Variants in RCL1 observed in about 807,000 individuals in gnomAD.
RCL1 encodes RNA 3'-terminal phosphate cyclase-like protein.
Under a neutral mutation model 42.4 loss-of-function variants are expected in RCL1, and 24 were observed. That is an observed-to-expected ratio of 0.57 (90% CI 0.41 to 0.80). RCL1 has a LOEUF of 0.80. Among genes scored for constraint, RCL1 ranks in the 30% least tolerant of loss-of-function variants. RCL1 has a pLI of 0.00. For synonymous variants in RCL1, 228 were observed against 177.3 expected, an observed-to-expected ratio of 1.29 and a Z score of -2.27; for missense variants, 578 against 467.9, an observed-to-expected ratio of 1.24 and a Z score of -2.17.
chr9:4,856,596 T>C (rs1817971362), intron 8 of RCL1, among the ~76,000 whole-genome samples: 1 of 152,148 alleles, frequency 6.6e-6, no homozygotes, highest in African/African-American at 2.4e-5. Flanking sequence ...TACATAAGCA[T>C]TTAATTAGAC....
intron 1 of RCL1, among the ~76,000 whole-genome samples, chr9:4,795,310 T>G (rs1842896767): frequency 6.6e-6 from 1 of 152,150 alleles, no homozygotes; most frequent in Non-Finnish European, 1.5e-5. Context: ...ATGAAACTGC[T>G]GACCTCAGGT....
intron 5 of RCL1, chr9:4,839,888 T>G (rs1303910672): frequency 5.1e-6 from 5 of 985,512 alleles, no homozygotes; most frequent in Non-Finnish European, 6.0e-6. Flanking sequence ...AACACTTGGG[T>G]GCCGGCTGGA....
intron 1 of RCL1, among the ~76,000 whole-genome samples, chr9:4,808,285 ACT>A (rs2130978307): frequency 6.6e-6 from 1 of 151,248 alleles, no homozygotes; most frequent in Admixed American, 6.6e-5. Flanking sequence ...ATAATGTATC[ACT>A]CTGTCTCTAG....
At chr9:4,818,954 T>G (rs1309659267) in intron 1 of RCL1, among the ~76,000 whole-genome samples, 1 of 152,108 alleles carries the variant, frequency 6.6e-6, no homozygotes, top group Non-Finnish European at 1.5e-5. Context: ...ATTAAATAAT[T>G]ATTTTAAAAG....
At chr9:4,800,727 A>G (rs1198222405) in intron 1 of RCL1, among the ~76,000 whole-genome samples, 1 of 142,644 alleles carries the variant, frequency 7.0e-6, no homozygotes, top group Non-Finnish European at 1.5e-5. Context: ...ATCTTGGCTC[A>G]CTGCAACCTC....
chr9:4,796,402 A>G (rs1022636225), intron 1 of RCL1, among the ~76,000 whole-genome samples: 2 of 152,102 alleles, frequency 1.3e-5, no homozygotes, highest in Admixed American at 1.3e-4. Flanking sequence ...TGCAAAGGAC[A>G]TTATTTCATT....
chr9:4,847,926 A>C (rs1295552464), intron 7 of RCL1, among the ~76,000 whole-genome samples: 1 of 152,194 alleles, frequency 6.6e-6, no homozygotes, highest in Non-Finnish European at 1.5e-5. Flanking sequence ...AGTAGTCCTG[A>C]GTCCTAAAGC....
At position 4,826,983 on chromosome 9, in the gene RCL1, C is replaced by G. The variant is rs188571643; in HGVS notation, c.334C>G (p.Pro112Ala). ...LLCLAPFMKHPLKIVLRGVTN... is the reference protein window; with the variant it reads ...LLCLAPFMKHALKIVLRGVTN... ...TTGCTTGGCTCCATTTATGAAGCAC[C>G]CGTTAAAAATAGTTCTACGAGGAGT... Residue 112 changes from proline (P) to alanine (A), a missense_variant, in exon 3 of 9, where the codon CCG (proline) becomes GCG (alanine). Physicochemically the swap from Pro to Ala is conservative, Grantham distance 27. Coordinates refer to ENST00000381750, the MANE Select transcript of RCL1 (RefSeq NM_005772.5). 6.2e-7 allele frequency: 1 copy of G among 1,614,044 alleles called. No individual in the cohort carries two copies. Among genetic ancestry groups the G allele is most frequent in the East Asian group, 2.2e-5 (1 of 44,874 alleles).
intron 1 of RCL1, among the ~76,000 whole-genome samples, chr9:4,821,984 C>T (rs900739965): frequency 6.6e-6 from 1 of 152,216 alleles, no homozygotes; most frequent in Non-Finnish European, 1.5e-5. Flanking sequence ...ATGGGAATGA[C>T]ACTCTGTGCC....
intron 1 of RCL1, among the ~76,000 whole-genome samples, chr9:4,817,612 C>T (rs920491614): frequency 6.6e-6 from 1 of 151,808 alleles, no homozygotes; most frequent in African/African-American, 2.4e-5. Flanking sequence ...AACCCTGCCC[C>T]CCTGAGTAGC....
chr9:4,853,773 A>G, intron 8 of RCL1, among the ~76,000 whole-genome samples: 1 of 150,428 alleles, frequency 6.6e-6, no homozygotes, highest in East Asian at 1.9e-4. Flanking sequence ...CTTTAGTTGG[A>G]AATCTAAAAT....
At chr9:4,831,288 G>A (rs1241451128) in intron 3 of RCL1, among the ~76,000 whole-genome samples, 1 of 149,574 alleles carries the variant, frequency 6.7e-6, no homozygotes, top group African/African-American at 2.6e-5. Flanking sequence ...GGATGAGCCA[G>A]AAGGAATGCT....
At position 4,859,252 on chromosome 9, in the gene RCL1, G is replaced by A. The variant is rs146706855; in HGVS notation, c.972-873G>A. ...TGCCATTGTCCTTGTTGTGTTTACT[G>A]TGCACACTTCCCCGGCCACCTTATT... On this transcript the variant is annotated intron_variant, in intron 8 of 8. Coordinates refer to ENST00000381750, the MANE Select transcript of RCL1 (RefSeq NM_005772.5). Among the ~76,000 whole-genome samples, 45 of 152,246 alleles carry A rather than the reference G, an allele frequency of 3.0e-4. 2 individuals are homozygous for A. In the East Asian group the frequency reaches 8.7e-3, roughly 29 times the overall value.
At position 4,826,775 on chromosome 9, in the gene RCL1, C is replaced by T. The variant is rs1218253811; in HGVS notation, c.209-83C>T. 8 of 1,241,106 alleles carry T rather than the reference C, an allele frequency of 6.4e-6. No individual in the cohort carries two copies. In the African/African-American group the frequency reaches 7.5e-5, roughly 12 times the overall value. The allele number at this position is 1,241,106 out of a possible 1,614,324, so 76.9% of individuals were successfully genotyped here. A position where few individuals can be genotyped will look rare whatever the true frequency, so the allele number is the denominator to read the frequency against. ...CTTGGATGCCCTTGTCAGGCTTTCC[C>T]CTTGGAACTCACTGCCTTCATTACC... On this transcript the variant is annotated intron_variant, in intron 2 of 8. Coordinates refer to ENST00000381750, the MANE Select transcript of RCL1 (RefSeq NM_005772.5).
intron 1 of RCL1, among the ~76,000 whole-genome samples, chr9:4,808,749 T>G (rs1486286027): frequency 1.3e-5 from 2 of 152,178 alleles, no homozygotes; most frequent in African/African-American, 2.4e-5. Context: ...ATCAGAGGAT[T>G]AGGTTGCCCT....
Position 4,833,204 on chromosome 9 carries a change from T to G in RCL1, c.435T>G (p.Ile145Met). The G allele has an allele frequency of 1.2e-6, 2 of 1,612,896 alleles. No individual in the cohort carries two copies. Among genetic ancestry groups the G allele is most frequent in the Non-Finnish European group, 1.7e-6 (2 of 1,178,800 alleles). Residue 145 changes from isoleucine to methionine, a missense_variant, in exon 4 of 9, where the codon ATT becomes ATG. Transcript: ENST00000381750. ...TALPLLKQFG[I>M]DGESFELKIV... Reference sequence around the variant, plus strand: ...TCCCTTTGTTGAAACAATTTGGGATTGATGGTGAATCATTTGAACTGAAGG... The same window carrying G: ...TCCCTTTGTTGAAACAATTTGGGATGGATGGTGAATCATTTGAACTGAAGG...
intron 8 of RCL1, chr9:4,850,421 C>G (rs455864): frequency 0.9 from 413,715 of 462,120 alleles, 185,445 homozygotes; most frequent in East Asian, 1. Flanking sequence ...GGGCTATGCA[C>G]CCTTGGGCCA....
intron 5 of RCL1, 21 bp from the exon 6 acceptor site, chr9:4,841,211 A>T (rs190682920): frequency 1.5e-5 from 24 of 1,613,886 alleles, no homozygotes; most frequent in Non-Finnish European, 2.0e-5. Flanking sequence ...GCAGAATGAC[A>T]TCCTTAACTC....
intron 1 of RCL1, among the ~76,000 whole-genome samples, chr9:4,809,081 A>G (rs761172738): frequency 2.0e-5 from 3 of 151,514 alleles, no homozygotes; most frequent in Admixed American, 6.6e-5. Context: ...TCATTATTCC[A>G]TTGCAGTATA....
Sources: gnomAD v4.1 joint callset for allele counts (sites outside exome capture counted in the v4.1 genomes callset) on GRCh38, gnomAD v4.1.1 for gene constraint, MANE v1.5 for transcripts, NCBI Gene and HGNC (gene_info 2026-07-23, HGNC 2026-07-21) for gene names.